The following DCDC1 variants were observed in gnomAD, a reference collection of about 807,000 sequenced individuals.
DCDC1 encodes doublecortin domain-containing protein 1.
In DCDC1, 200 loss-of-function variants were observed where a neutral mutation model predicts 178.3. The observed-to-expected ratio is 1.12, with a 90% CI of 1.00 to 1.26. DCDC1 has a LOEUF of 1.26. Among genes scored for constraint, DCDC1 ranks in the 50% most tolerant of loss-of-function variants. The pLI is 0.00. For synonymous variants in DCDC1, 690 were observed against 604.8 expected (o/e 1.14, Z -2.07); for missense variants, 1,983 against 1,749.2 (o/e 1.13, Z -2.38).
At chr11:31,289,435 T>G (rs993449212) in intron 7 of DCDC1, among the ~76,000 whole-genome samples, 2 of 151,964 alleles carry the variant, frequency 1.3e-5, no homozygotes, top group African/African-American at 4.8e-5. Context: ...GAAATAAAAC[T>G]CAGGTTTCCC....
chr11:31,299,018 C>A (rs1373663945), intron 6 of DCDC1, among the ~76,000 whole-genome samples: 1 of 152,196 alleles, frequency 6.6e-6, no homozygotes, highest in Non-Finnish European at 1.5e-5. Flanking sequence ...TTATAAAATA[C>A]AAATGCTCCG....
intron 20 of DCDC1, among the ~76,000 whole-genome samples, chr11:30,971,364 T>G (rs1949766502): frequency 6.6e-6 from 1 of 151,872 alleles, no homozygotes; most frequent in Admixed American, 6.6e-5. Context: ...TTCAAAATAA[T>G]GATACTAAAG....
intron 6 of DCDC1, among the ~76,000 whole-genome samples, chr11:31,299,890 G>A (rs555362519): frequency 9.2e-5 from 14 of 151,934 alleles, no homozygotes; most frequent in South Asian, 6.3e-4. Flanking sequence ...ACAGAGTCTC[G>A]CTCTGTCGCC....
chr11:31,005,970 AAAAAAAAAC>A (rs1951823421), intron 20 of DCDC1, among the ~76,000 whole-genome samples: 1 of 149,428 alleles, frequency 6.7e-6, no homozygotes. Flanking sequence ...AAAAAAAAAA[AAAAAAAAAC>A]TTTTGGTCCT....
intron 9 of DCDC1, among the ~76,000 whole-genome samples, chr11:31,186,981 G>C (rs1319184771): frequency 6.6e-6 from 1 of 152,052 alleles, no homozygotes; most frequent in African/African-American, 2.4e-5. Flanking sequence ...GCATTATCAT[G>C]CACGATTTTA....
At chr11:31,218,545 T>C (rs531457155) in intron 9 of DCDC1, among the ~76,000 whole-genome samples, 85 of 152,170 alleles carry the variant, frequency 5.6e-4, no homozygotes, top group Non-Finnish European at 9.4e-4. Context: ...TTGGGTTACA[T>C]TTATTGCCCA....
At chr11:30,945,670 G>T (rs1947976732) in intron 21 of DCDC1, among the ~76,000 whole-genome samples, 1 of 151,916 alleles carries the variant, frequency 6.6e-6, no homozygotes, top group African/African-American at 2.4e-5. Flanking sequence ...TTCAGCCGGG[G>T]TAACAAGAGC....
intron 20 of DCDC1, among the ~76,000 whole-genome samples, chr11:30,960,784 TAC>T (rs1193152507): frequency 1.1e-4 from 17 of 152,244 alleles, no homozygotes; most frequent in African/African-American, 3.9e-4. Flanking sequence ...CACTCATGTA[TAC>T]ACACAGCCCA....
At chr11:31,053,930 C>G (rs1955425176) in intron 20 of DCDC1, among the ~76,000 whole-genome samples, 1 of 152,256 alleles carries the variant, frequency 6.6e-6, no homozygotes, top group African/African-American at 2.4e-5. Context: ...GATGCCCACT[C>G]TCACCACTCC....
At chr11:30,968,394 T>C (rs1245488961) in intron 20 of DCDC1, among the ~76,000 whole-genome samples, 2 of 151,960 alleles carry the variant, frequency 1.3e-5, no homozygotes, top group Non-Finnish European at 2.9e-5. Context: ...TTTGCTTTCT[T>C]CAGTTTCAGA....
At chr11:31,323,378 T>C (rs1432194559) in intron 3 of DCDC1, among the ~76,000 whole-genome samples, 1 of 152,224 alleles carries the variant, frequency 6.6e-6, no homozygotes, top group Non-Finnish European at 1.5e-5. Flanking sequence ...AATGTCTCTT[T>C]TTCTTATACA....
chr11:31,216,000 T>C (rs1973508425), intron 9 of DCDC1, among the ~76,000 whole-genome samples: 3 of 152,158 alleles, frequency 2.0e-5, no homozygotes, highest in Non-Finnish European at 2.9e-5. Context: ...TAGGGCAGAA[T>C]GTGATGGAGT....
intron 20 of DCDC1, among the ~76,000 whole-genome samples, chr11:31,040,720 T>C (rs183630965): frequency 7.2e-5 from 11 of 152,344 alleles, no homozygotes; most frequent in African/African-American, 2.6e-4. Flanking sequence ...GGTAATCTTA[T>C]AGTTGACTTT....
intron 9 of DCDC1, among the ~76,000 whole-genome samples, chr11:31,140,985 G>A (rs1963754287): frequency 6.6e-6 from 1 of 152,102 alleles, no homozygotes; most frequent in African/African-American, 2.4e-5. Context: ...TCTTAATTCT[G>A]AGGAATTCTT....
rs747751658 is a variant in DCDC1 at position 30,864,322 on chromosome 11, T to G, written c.*1051A>C. ...TCAAACTTGGGATTTGAAACCAATATGTATAATCATCAAAGATATATTTTA... is the reference window on the plus strand; with the variant it reads ...TCAAACTTGGGATTTGAAACCAATAGGTATAATCATCAAAGATATATTTTA... On this transcript the variant is annotated 3_prime_UTR_variant, in exon 39 of 39. Coordinates refer to ENST00000684477, the MANE Select transcript of DCDC1 (RefSeq NM_001387274.1). The G allele has an allele frequency of 6.6e-6, 1 of 152,240 alleles. No individual in the cohort carries two copies. The highest frequency in any genetic ancestry group is 2.4e-5 in the African/African-American group (1 of 41,458). 9.4% of individuals were successfully genotyped at this position (152,240 alleles called of 1,614,324 possible). A position where few individuals can be genotyped will look rare whatever the true frequency, so the allele number is the denominator to read the frequency against.
chr11:31,137,735 A>C lies in DCDC1; in HGVS notation c.1271T>G (p.Ile424Ser), dbSNP rs1422879259. ...EQKEKITEKV[I>S]LSMTAKEHHK... ...GTGTTCCTTTGCCGTCATTGAAAGA[A>C]TGACTTTTTCTGTAATTTTCTCCTT... Residue 424 changes from isoleucine to serine, a missense_variant, in exon 10 of 39, where the codon ATT (isoleucine) becomes AGT (serine). Physicochemically the swap from Ile to Ser is moderately radical, Grantham distance 142. Transcript: ENST00000684477. 4 of 702,784 alleles carry C rather than the reference A, an allele frequency of 5.7e-6. No homozygotes were observed. Among genetic ancestry groups the C allele is most frequent in the Non-Finnish European group, 1.0e-5 (4 of 384,954 alleles). 43.5% of individuals were successfully genotyped at this position (702,784 alleles called of 1,614,324 possible).
chr11:31,025,627 A>G (rs1265773890), intron 20 of DCDC1, among the ~76,000 whole-genome samples: 3 of 151,858 alleles, frequency 2.0e-5, no homozygotes, highest in African/African-American at 4.8e-5. Context: ...TAACATCTTC[A>G]TGACTGCTCT....
At chr11:31,266,633 T>C (rs1945184198) in intron 7 of DCDC1, among the ~76,000 whole-genome samples, 1 of 152,226 alleles carries the variant, frequency 6.6e-6, no homozygotes, top group South Asian at 2.1e-4. Context: ...ATTATATTAA[T>C]ATGATTATAG....
chr11:31,164,665 A>G (rs2136185593), intron 9 of DCDC1, among the ~76,000 whole-genome samples: 1 of 152,326 alleles, frequency 6.6e-6, no homozygotes, highest in South Asian at 2.1e-4. Context: ...TCTTACTAGA[A>G]AACAGTCAAA....
Sources: gnomAD v4.1 joint callset for allele counts (sites outside exome capture counted in the v4.1 genomes callset) on GRCh38, gnomAD v4.1.1 for gene constraint, MANE v1.5 for transcripts, NCBI Gene and HGNC (gene_info 2026-07-23, HGNC 2026-07-21) for gene names.